Variants in GPM6B observed in about 807,000 individuals in gnomAD.
GPM6B encodes neuronal membrane glycoprotein M6-b.
A neutral mutation model predicts 27.2 loss-of-function variants in GPM6B; 4 were observed. The ratio of observed to expected loss-of-function variants is 0.15; its 90% CI spans 0.07 to 0.34. The LOEUF (loss-of-function observed/expected upper bound fraction) is 0.34. Among genes scored for constraint, GPM6B ranks in the 10% least tolerant of loss-of-function variants. GPM6B has a pLI of 1.00. For missense variants in GPM6B, 183 were observed against 261.9 expected, an observed-to-expected ratio of 0.70 and a Z score of 2.08; for synonymous variants, 124 against 103.1, an observed-to-expected ratio of 1.20 and a Z score of -1.23.
rs536337642 is a variant in GPM6B at position 13,831,177 on chromosome X, T to TACACACACAC, written c.-197-45379_-197-45370dup. Among the ~76,000 whole-genome samples, 494 of 81,617 alleles carry TACACACACAC rather than the reference T, an allele frequency of 6.1e-3. 2 individuals are homozygous for TACACACACAC. Among genetic ancestry groups the TACACACACAC allele is most frequent in the African/African-American group, 0.016 (332 of 21,284 alleles). The allele number at this position is 81,617 out of a possible 115,157, so 70.9% of individuals were successfully genotyped here. A position where few individuals can be genotyped will look rare whatever the true frequency, so the allele number is the denominator to read the frequency against. On this transcript the variant is annotated intron_variant, in intron 1 of 6. Coordinates refer to the GPM6B transcript ENST00000398361. Reference sequence around the variant, plus strand: ...AGTAAAGGGATGTAGAAGAGCTCAGTACACACACACACACACACACACACA... The same window carrying TACACACACAC: ...AGTAAAGGGATGTAGAAGAGCTCAGTACACACACACACACACACACACACACACACACACA...
At chrX:13,848,745 C>T (rs2049679453) in intron 1 of GPM6B, among the ~76,000 whole-genome samples, 1 of 112,150 alleles carries the variant, frequency 8.9e-6, no homozygotes, top group East Asian at 2.8e-4. Context: ...TAGGTATATA[C>T]TCAAGAGAAA....
At chrX:13,840,872 G>A (rs9887466) in intron 1 of GPM6B, among the ~76,000 whole-genome samples, 40,195 of 111,022 alleles carry the variant, frequency 0.36, 6,121 homozygotes, top group Non-Finnish European at 0.49. Context: ...ATATACACAC[G>A]TATGAAGGGA....
intron 1 of GPM6B, among the ~76,000 whole-genome samples, chrX:13,832,536 C>T (rs1007714287): frequency 1.8e-5 from 2 of 111,070 alleles, no homozygotes. Context: ...CTTGGGTGGT[C>T]CACGGTTGGT....
At chrX:13,810,744 T>TAAAAAAAA (rs747466374) in intron 1 of GPM6B, among the ~76,000 whole-genome samples, 1 of 80,681 alleles carries the variant, frequency 1.2e-5, no homozygotes, top group Non-Finnish European at 2.5e-5. Context: ...ATTCAGGATT[T>TAAAAAAAA]AAAAAAAAAA....
chrX:13,855,762 T>G (rs775229013), intron 1 of GPM6B, among the ~76,000 whole-genome samples: 1 of 112,002 alleles, frequency 8.9e-6, no homozygotes, highest in African/African-American at 3.2e-5. Flanking sequence ...GAAGGCTCCC[T>G]GGGACAGCCC....
At position 13,933,579 on chromosome X, in the gene GPM6B, C is replaced by A. The variant is rs1489070958; in HGVS notation, c.-198+4748G>T. 4.5e-5 allele frequency among the ~76,000 whole-genome samples: 5 copies of A among 112,121 alleles called. No homozygotes were observed. The Admixed American group carries it at 4.7e-4, about 11-fold the overall frequency. On this transcript the variant is annotated intron_variant, in intron 1 of 6. Coordinates refer to the GPM6B transcript ENST00000398361. Reference sequence around the variant, plus strand: ...GTTACTAGAATTATGAAACTTAATTCGATATTACATAAACTAATAAAATAG... The same window carrying A: ...GTTACTAGAATTATGAAACTTAATTAGATATTACATAAACTAATAAAATAG...
intron 1 of GPM6B, among the ~76,000 whole-genome samples, chrX:13,898,770 C>G (rs2050255082): frequency 9.0e-6 from 1 of 111,484 alleles, no homozygotes; most frequent in Non-Finnish European, 1.9e-5. Flanking sequence ...CATGTGCTAC[C>G]TCTGAGGCCT....
intron 3 of GPM6B, 140 bp from the exon 4 acceptor site, chrX:13,783,661 T>C (rs2048558822): frequency 1.9e-6 from 1 of 526,053 alleles, no homozygotes; most frequent in African/African-American, 2.3e-5. Context: ...GATGGACTTG[T>C]GGGGCATCCT....
intron 1 of GPM6B, among the ~76,000 whole-genome samples, chrX:13,858,447 G>A (rs1187962492): frequency 9.0e-6 from 1 of 111,405 alleles, no homozygotes; most frequent in Non-Finnish European, 1.9e-5. Flanking sequence ...TATTCCCAGC[G>A]TGGCCAATCT....
chrX:13,879,796 G>C (rs1279872759), intron 1 of GPM6B, among the ~76,000 whole-genome samples: 2 of 112,244 alleles, frequency 1.8e-5, no homozygotes, highest in Non-Finnish European at 3.8e-5. Context: ...TGGAGGGCTT[G>C]TTAAAACACA....
intron 1 of GPM6B, among the ~76,000 whole-genome samples, chrX:13,841,255 C>T (rs747361000): frequency 8.9e-6 from 1 of 111,875 alleles, no homozygotes; most frequent in South Asian, 3.7e-4. Context: ...CAGCAGATGC[C>T]TCCGTCATCC....
In GPM6B at chrX:13,773,013, T is replaced by G; in HGVS notation, c.855A>C (p.Ile285=). The stretch of plus-strand genomic sequence containing the variant: ...TTAAGTAAGCCCAGTTAGAAGACAG[T>G]ATCATGAGGAAGTGGATCTGGAAGA... ...TVIALIHFLM[I]LSSNWAYLKD... Residue 285 remains isoleucine, a synonymous_variant, in exon 8 of 8, where the codon ATA becomes ATC. Transcript: ENST00000316715. The G allele has an allele frequency of 8.3e-7, 1 of 1,210,090 alleles. No homozygotes were observed.
At chrX:13,921,260 T>C (rs1344309610) in intron 1 of GPM6B, among the ~76,000 whole-genome samples, 1 of 112,246 alleles carries the variant, frequency 8.9e-6, no homozygotes, top group East Asian at 2.8e-4. Context: ...AACTCCTATC[T>C]ATACCTGGGT....
intron 1 of GPM6B, among the ~76,000 whole-genome samples, chrX:13,809,509 C>T: frequency 9.0e-6 from 1 of 111,593 alleles, no homozygotes; most frequent in Non-Finnish European, 1.9e-5. Context: ...GGTGCGGTGG[C>T]TCACACCTGT....
rs148635433 is a variant in GPM6B at position 13,909,925 on chromosome X, C to T, written c.-198+28402G>A. Among the ~76,000 whole-genome samples, 454 of 111,835 alleles carry T rather than the reference C, an allele frequency of 4.1e-3. 2 individuals are homozygous for T. Among genetic ancestry groups the T allele is most frequent in the African/African-American group, 0.014 (416 of 30,792 alleles). ...TTATTTAAAGTAACTAAAAGGTTTGCCTTCCCCTTAGATTCACTCATCTTT... is the reference window on the plus strand; with the variant it reads ...TTATTTAAAGTAACTAAAAGGTTTGTCTTCCCCTTAGATTCACTCATCTTT... On this transcript the variant is annotated intron_variant, in intron 1 of 6. Transcript: ENST00000398361.
At chrX:13,780,777 C>T (rs536098127) in intron 4 of GPM6B, 22 of 165,257 alleles carry the variant, frequency 1.3e-4, no homozygotes, top group African/African-American at 6.6e-4. Flanking sequence ...CTTTGTGAGG[C>T]GGCCTCAAAA....
intron 1 of GPM6B, among the ~76,000 whole-genome samples, chrX:13,893,455 TTCTC>T (rs1421079593): frequency 8.9e-6 from 1 of 112,039 alleles, no homozygotes; most frequent in Non-Finnish European, 1.9e-5. Flanking sequence ...GGCTTCCGCC[TTCTC>T]TCTGACCAAC....
chrX:13,869,071 A>G (rs144678914), intron 1 of GPM6B, among the ~76,000 whole-genome samples: 155 of 111,938 alleles, frequency 1.4e-3, no homozygotes, highest in African/African-American at 4.9e-3. Context: ...TCCAAAAGGT[A>G]TTAGGTGTTC....
chrX:13,802,205 C>CA (rs2048932417), intron 2 of GPM6B, among the ~76,000 whole-genome samples: 2 of 111,165 alleles, frequency 1.8e-5, no homozygotes, highest in African/African-American at 6.6e-5. Context: ...GCAGCAAAGA[C>CA]CAGATGACAC....
Sources: gnomAD v4.1 joint callset for allele counts (sites outside exome capture counted in the v4.1 genomes callset) on GRCh38, gnomAD v4.1.1 for gene constraint, MANE v1.5 for transcripts, NCBI Gene and HGNC (gene_info 2026-07-23, HGNC 2026-07-21) for gene names.